The following TTLL11 variants were observed in gnomAD, a reference collection of about 807,000 sequenced individuals.
TTLL11 encodes the protein tubulin polyglutamylase TTLL11.
A neutral mutation model predicts 51.7 loss-of-function variants in TTLL11; 42 were observed. The observed-to-expected ratio is 0.81, with a 90% CI of 0.64 to 1.05. The LOEUF is 1.05. Among genes scored for constraint, TTLL11 ranks in the 50% least tolerant of loss-of-function variants. TTLL11 has a pLI of 0.00. For synonymous variants in TTLL11, 381 were observed against 383.5 expected (o/e 0.99, Z 0.08); for missense variants, 799 against 940.4 (o/e 0.85, Z 1.97).
At chr9:121,826,217 T>TATATATATATATATATATATATAC (rs1491163835) in intron 8 of TTLL11, among the ~76,000 whole-genome samples, 4 of 58,112 alleles carry the variant, frequency 6.9e-5, no homozygotes, top group Admixed American at 2.2e-4. Context: ...TATATATATA[T>TATATATATATATATATATATATAC]GCACACATAT....
chr9:122,006,114 T>C (rs975493254), intron 3 of TTLL11, among the ~76,000 whole-genome samples: 11 of 151,610 alleles, frequency 7.3e-5, no homozygotes, highest in Admixed American at 1.3e-4. Flanking sequence ...CCAAGGCGGG[T>C]GGATCACTTG....
At chr9:122,045,614 A>C (rs1369414872) in intron 1 of TTLL11, among the ~76,000 whole-genome samples, 1 of 152,170 alleles carries the variant, frequency 6.6e-6, no homozygotes, top group African/African-American at 2.4e-5. Context: ...CATTCATAGG[A>C]GCATATTCAC....
At position 121,989,051 on chromosome 9, in the gene TTLL11, G is replaced by C; in HGVS notation, c.1269+144C>G. 1 of 1,505,486 alleles carries C rather than the reference G, an allele frequency of 6.6e-7. No homozygotes were observed. Among genetic ancestry groups the C allele is most frequent in the Non-Finnish European group, 8.9e-7 (1 of 1,127,614 alleles). 93.3% of individuals were successfully genotyped at this position (1,505,486 alleles called of 1,614,324 possible). A position where few individuals can be genotyped will look rare whatever the true frequency, so the allele number is the denominator to read the frequency against. On this transcript the variant is annotated intron_variant, in intron 4 of 8. Coordinates refer to ENST00000321582, the MANE Select transcript of TTLL11 (RefSeq NM_001139442.2). This position sits in a 1 kb window ranked among gnomAD's most constrained non-coding sequence, Gnocchi z 4.2. ...CAGAAAGCTTGGAAGTTGGGCCCAG[G>C]TTTAACACCCAAGCCCACAGCACCA...
chr9:121,858,501 G>A (rs12115204), intron 8 of TTLL11, among the ~76,000 whole-genome samples: 9,741 of 152,238 alleles, frequency 0.064, 1,019 homozygotes, highest in African/African-American at 0.22. Context: ...CCAAGAACTG[G>A]CAGCCAGGAG....
chr9:122,028,068 TAAGTTAAAGATG>T (rs926454210), intron 3 of TTLL11, among the ~76,000 whole-genome samples: 3 of 152,182 alleles, frequency 2.0e-5, no homozygotes, highest in Non-Finnish European at 2.9e-5. Context: ...GCCAATGTGG[TAAGTTAAAGATG>T]CATTGTAAAC....
At chr9:121,946,569 A>C (rs1254621238) in intron 6 of TTLL11, among the ~76,000 whole-genome samples, 2 of 152,168 alleles carry the variant, frequency 1.3e-5, no homozygotes, top group Non-Finnish European at 2.9e-5. Flanking sequence ...CCAGGTTACC[A>C]CACAGTACAA....
intron 6 of TTLL11, 83 bp downstream of exon 6, chr9:121,973,926 T>C (rs1842636310): frequency 1.1e-5 from 10 of 884,032 alleles, no homozygotes; most frequent in South Asian, 1.7e-5. Flanking sequence ...TGGTAACAGG[T>C]TCCAAGAACT....
At chr9:121,952,956 C>A (rs905088780) in intron 6 of TTLL11, among the ~76,000 whole-genome samples, 1 of 152,098 alleles carries the variant, frequency 6.6e-6, no homozygotes, top group Non-Finnish European at 1.5e-5. Flanking sequence ...TAATTCAGAA[C>A]CCAAGTGGAA....
rs1588168934 is a variant in TTLL11 at position 121,974,992 on chromosome 9, AAC to A, written c.1270-15_1270-14del. 5 of 1,513,640 alleles carry A rather than the reference AAC, an allele frequency of 3.3e-6. No individual in the cohort carries two copies. Among genetic ancestry groups the A allele is most frequent in the Non-Finnish European group, 4.4e-6 (5 of 1,128,314 alleles). The allele number at this position is 1,513,640 out of a possible 1,614,324, so 93.8% of individuals were successfully genotyped here. On this transcript the variant is annotated splice_polypyrimidine_tract_variant and intron_variant, in intron 4 of 8. Coordinates refer to ENST00000321582, the MANE Select transcript of TTLL11 (RefSeq NM_001139442.2). ...CAAAGCCTAAAATCTGGGCAGGATAAACACAATTCAGAATTACTGTCTCTATT... is the reference window on the plus strand; with the variant it reads ...CAAAGCCTAAAATCTGGGCAGGATAAACAATTCAGAATTACTGTCTCTATT...
At position 121,888,461 on chromosome 9, in the gene TTLL11, G is replaced by A. The variant is rs188330157; in HGVS notation, c.1482-17713C>T. ...TCCTAGTGCAGTTTGCTGTGACAAC[G>A]TCCTTGGCTCTTCTTTGGGCCAGTT... is the stretch of plus-strand genomic sequence containing the variant. On this transcript the variant is annotated intron_variant, in intron 6 of 8. Transcript: ENST00000321582. Among the ~76,000 whole-genome samples the A allele has an allele frequency of 8.9e-3, 1,358 of 152,292 alleles. 6 individuals carry two copies. The highest frequency in any genetic ancestry group is 0.014 in the Non-Finnish European group (951 of 68,024).
At chr9:121,960,235 C>T (rs1021079546) in intron 6 of TTLL11, among the ~76,000 whole-genome samples, 11 of 152,138 alleles carry the variant, frequency 7.2e-5, no homozygotes, top group Non-Finnish European at 4.4e-5. Context: ...GTATGACTTG[C>T]TTCTTTTGCT....
intron 6 of TTLL11, among the ~76,000 whole-genome samples, chr9:121,972,631 C>CA (rs1411242814): frequency 6.6e-6 from 1 of 152,240 alleles, no homozygotes; most frequent in Non-Finnish European, 1.5e-5. Flanking sequence ...AGACTATGAC[C>CA]AATACTTCTT....
intron 3 of TTLL11, among the ~76,000 whole-genome samples, chr9:122,013,633 A>C (rs1843881017): frequency 6.6e-6 from 1 of 152,172 alleles, no homozygotes; most frequent in Non-Finnish European, 1.5e-5. Flanking sequence ...ATTGTGCAGG[A>C]ATGTGCAGAT....
chr9:121,970,267 C>T (rs1842514273), intron 6 of TTLL11, among the ~76,000 whole-genome samples: 1 of 152,028 alleles, frequency 6.6e-6, no homozygotes, highest in African/African-American at 2.4e-5. Context: ...GTCCTATGCC[C>T]CATTATTAAA....
intron 6 of TTLL11, among the ~76,000 whole-genome samples, chr9:121,914,624 A>G (rs1235841032): frequency 6.6e-6 from 1 of 152,146 alleles, no homozygotes; most frequent in Non-Finnish European, 1.5e-5. Flanking sequence ...GTCTCCATGA[A>G]GAGCCTCAAG....
chr9:121,824,135 T>C (rs1412695407), intron 8 of TTLL11, among the ~76,000 whole-genome samples: 1 of 152,182 alleles, frequency 6.6e-6, no homozygotes. Context: ...CCACTAATTC[T>C]CACAATACCT....
intron 6 of TTLL11, among the ~76,000 whole-genome samples, chr9:121,948,148 C>T (rs895379496): frequency 6.6e-6 from 1 of 152,022 alleles, no homozygotes; most frequent in Admixed American, 6.6e-5. Context: ...TGAAGTGGCT[C>T]CAATCATCCC....
chr9:122,031,928 C>T lies in TTLL11; in HGVS notation c.560-72G>A, dbSNP rs549127878. 2.9e-4 allele frequency: 451 copies of T among 1,533,868 alleles called. 1 individual carries two copies. In the African/African-American group the frequency reaches 5.8e-3, roughly 20 times the overall value. On this transcript the variant is annotated intron_variant, in intron 2 of 8. Transcript: ENST00000321582. ...GCTATAAAACAGCCATTATTTGGGA[C>T]TTTTAAAACCACCCACCCGACATAT...
intron 1 of TTLL11, among the ~76,000 whole-genome samples, chr9:122,090,885 T>C (rs1488567624): frequency 6.6e-6 from 1 of 152,174 alleles, no homozygotes; most frequent in Admixed American, 6.5e-5. Flanking sequence ...GAGTAAGCCA[T>C]GCAAATAAAT....
Sources: allele counts gnomAD v4.1 joint callset (sites outside exome capture counted in the v4.1 genomes callset), GRCh38; gene constraint gnomAD v4.1.1; non-coding constraint Gnocchi (gnomAD v3.1); transcripts MANE v1.5; gene names NCBI Gene and HGNC (gene_info 2026-07-23, HGNC 2026-07-21).